The following ARL15 variants were observed in gnomAD, a reference collection of about 807,000 sequenced individuals.
The protein encoded by ARL15 is ADP-ribosylation factor-like protein 15.
ARL15 carries 19 observed loss-of-function variants against 25.2 expected under a neutral mutation model. The ratio of observed to expected loss-of-function variants is 0.75; its 90% CI spans 0.53 to 1.10. The LOEUF (loss-of-function observed/expected upper bound fraction) is 1.10. Among genes scored for constraint, ARL15 ranks in the 50% least tolerant of loss-of-function variants. The pLI, the probability that ARL15 is intolerant of heterozygous loss-of-function variation, is 0.00. For missense variants in ARL15, 220 were observed against 246.0 expected (o/e 0.89, Z 0.71); for synonymous variants, 94 against 86.8 (o/e 1.08, Z -0.46).
chr5:54,047,081 A>T (rs1389909099), intron 4 of ARL15, among the ~76,000 whole-genome samples: 1 of 152,182 alleles, frequency 6.6e-6, no homozygotes, highest in Non-Finnish European at 1.5e-5. Context: ...TTAGTGAAAG[A>T]GCCAAAATTC....
chr5:54,232,669 A>C (rs550966635), intron 1 of ARL15, among the ~76,000 whole-genome samples: 1 of 152,310 alleles, frequency 6.6e-6, no homozygotes, highest in Non-Finnish European at 1.5e-5. Context: ...GGAAAGCCAC[A>C]AAATTGCTTC....
intron 4 of ARL15, among the ~76,000 whole-genome samples, chr5:54,085,085 G>T (rs563542309): frequency 2.0e-5 from 3 of 152,168 alleles, no homozygotes; most frequent in Non-Finnish European, 4.4e-5. Flanking sequence ...TACATTTTGC[G>T]TAAGGCTGCA....
At chr5:54,137,048 C>CTTT (rs879572324) in intron 3 of ARL15, among the ~76,000 whole-genome samples, 4 of 141,008 alleles carry the variant, frequency 2.8e-5, no homozygotes, top group Admixed American at 7.2e-5. Context: ...AGTAGATAAC[C>CTTT]TTTTTTTTTT....
chr5:54,105,492 CA>C (rs1174101462), intron 4 of ARL15, among the ~76,000 whole-genome samples: 2 of 152,128 alleles, frequency 1.3e-5, no homozygotes, highest in East Asian at 3.8e-4. Context: ...TTTAAATATG[CA>C]TACAAAGTAT....
intron 4 of ARL15, among the ~76,000 whole-genome samples, chr5:53,990,551 T>C (rs1041016983): frequency 6.6e-6 from 1 of 152,170 alleles, no homozygotes; most frequent in Non-Finnish European, 1.5e-5. Context: ...ACAGTTTAGC[T>C]CCTAAGCTTG....
chr5:53,948,526 AAAGAG>A (rs1323543540), intron 4 of ARL15, among the ~76,000 whole-genome samples: 2 of 152,246 alleles, frequency 1.3e-5, no homozygotes, highest in Admixed American at 6.5e-5. Flanking sequence ...ACTGAACAGA[AAAGAG>A]AAATCTGGAA....
intron 4 of ARL15, among the ~76,000 whole-genome samples, chr5:54,029,869 T>C (rs899711313): frequency 6.7e-6 from 1 of 150,190 alleles, no homozygotes; most frequent in Non-Finnish European, 1.5e-5. Flanking sequence ...TAGTGGCGGG[T>C]GCCTGTAGTC....
At chr5:54,262,023 A>G (rs1185458524) in intron 1 of ARL15, among the ~76,000 whole-genome samples, 1 of 152,208 alleles carries the variant, frequency 6.6e-6, no homozygotes, top group African/African-American at 2.4e-5. Context: ...ATCAATGGAA[A>G]AATATGAACA....
chr5:53,908,818 G>A (rs896020255), intron 4 of ARL15, among the ~76,000 whole-genome samples: 5 of 152,178 alleles, frequency 3.3e-5, no homozygotes, highest in Admixed American at 2.0e-4. Context: ...AAGGATATTC[G>A]AGCATTGACT....
At chr5:54,221,987 C>G (rs1453607141) in intron 1 of ARL15, among the ~76,000 whole-genome samples, 1 of 152,186 alleles carries the variant, frequency 6.6e-6, no homozygotes, top group Non-Finnish European at 1.5e-5. Flanking sequence ...TTGGGAAATA[C>G]TCTTCCTGTG....
chr5:54,088,835 G>A (rs1752053341), intron 4 of ARL15, among the ~76,000 whole-genome samples: 1 of 152,138 alleles, frequency 6.6e-6, no homozygotes, highest in Non-Finnish European at 1.5e-5. Flanking sequence ...AAATAAAAAA[G>A]TCCAAGTATT....
chr5:54,112,292 A>G (rs1474285385), intron 4 of ARL15, among the ~76,000 whole-genome samples: 2 of 152,222 alleles, frequency 1.3e-5, no homozygotes, highest in African/African-American at 2.4e-5. Flanking sequence ...AGAATAGGCT[A>G]TCTGCCGTGG....
chr5:53,976,606 C>T (rs1747933590), intron 4 of ARL15, among the ~76,000 whole-genome samples: 1 of 152,180 alleles, frequency 6.6e-6, no homozygotes, highest in East Asian at 1.9e-4. Flanking sequence ...TAGAAGATTG[C>T]CCCAAGTGAC....
At position 54,146,214 on chromosome 5, in the gene ARL15, A is replaced by C. The variant is rs188419949; in HGVS notation, c.253+8366T>G. 1.6e-3 allele frequency among the ~76,000 whole-genome samples: 247 copies of C among 152,262 alleles called. 2 individuals carry two copies. Among genetic ancestry groups the C allele is most frequent in the Admixed American group, 8.0e-3 (122 of 15,288 alleles). On this transcript the variant is annotated intron_variant, in intron 3 of 4. Coordinates refer to ENST00000504924, the MANE Select transcript of ARL15 (RefSeq NM_019087.3). Reference sequence around the variant, plus strand: ...CCAAATGTTTACTGTACAAAAAAAAAACAAAAAACAATAATTGAAGAACCC... The same window carrying C: ...CCAAATGTTTACTGTACAAAAAAAACACAAAAAACAATAATTGAAGAACCC...
At chr5:54,193,704 T>C (rs1755469386) in intron 1 of ARL15, among the ~76,000 whole-genome samples, 1 of 149,070 alleles carries the variant, frequency 6.7e-6, no homozygotes, top group East Asian at 1.9e-4. Context: ...TCTATTCCTA[T>C]TGTTTTACAA....
At chr5:54,271,504 A>G (rs529380040) in intron 1 of ARL15, among the ~76,000 whole-genome samples, 6 of 152,238 alleles carry the variant, frequency 3.9e-5, no homozygotes, top group Non-Finnish European at 8.8e-5. Flanking sequence ...TTAGGGAATG[A>G]CAAGGAAAAA....
At chr5:53,931,167 G>T (rs1247478085) in intron 4 of ARL15, among the ~76,000 whole-genome samples, 2 of 152,100 alleles carry the variant, frequency 1.3e-5, no homozygotes, top group Non-Finnish European at 2.9e-5. Flanking sequence ...TTAGCAAACA[G>T]CATATATATT....
chr5:54,090,642 T>C (rs897133079), intron 4 of ARL15, among the ~76,000 whole-genome samples: 4 of 151,036 alleles, frequency 2.6e-5, no homozygotes, highest in African/African-American at 9.7e-5. Context: ...ATTTTTTATA[T>C]ATCACAGAAA....
At chr5:53,889,016 T>C (rs1744631406) in intron 4 of ARL15, among the ~76,000 whole-genome samples, 1 of 152,136 alleles carries the variant, frequency 6.6e-6, no homozygotes, top group South Asian at 2.1e-4. Flanking sequence ...CAAAATCTAG[T>C]ACATAAAGGA....
Sources: gnomAD v4.1 joint callset for allele counts (sites outside exome capture counted in the v4.1 genomes callset) on GRCh38, gnomAD v4.1.1 for gene constraint, MANE v1.5 for transcripts, NCBI Gene and HGNC (gene_info 2026-07-23, HGNC 2026-07-21) for gene names.